Variants in DIAPH3 observed in about 807,000 individuals in gnomAD.
DIAPH3 encodes the protein protein diaphanous homolog 3.
DIAPH3 carries 117 observed loss-of-function variants against 144.3 expected under a neutral mutation model. That is an observed-to-expected ratio of 0.81 (90% CI 0.70 to 0.95). The LOEUF (loss-of-function observed/expected upper bound fraction) is 0.95. Among genes scored for constraint, DIAPH3 ranks in the 40% least tolerant of loss-of-function variants. The pLI is 0.00. For synonymous variants in DIAPH3, 519 were observed against 488.9 expected (o/e 1.06, Z -0.81); for missense variants, 1,421 against 1,412.7 (o/e 1.01, Z -0.09).
At chr13:60,064,667 T>C (rs1184356034) in intron 4 of DIAPH3, among the ~76,000 whole-genome samples, 2 of 152,190 alleles carry the variant, frequency 1.3e-5, no homozygotes, top group African/African-American at 4.8e-5. Context: ...ATGTCAACAA[T>C]AAGATTGTTT....
intron 9 of DIAPH3, among the ~76,000 whole-genome samples, chr13:60,002,069 C>T (rs866492308): frequency 2.6e-5 from 4 of 152,122 alleles, no homozygotes; most frequent in Admixed American, 6.5e-5. Flanking sequence ...ACTAACACAT[C>T]ATACTGTATC....
chr13:59,774,071 T>G, intron 27 of DIAPH3, 118 bp downstream of exon 27: 1 of 1,031,438 alleles, frequency 9.7e-7, no homozygotes, highest in South Asian at 1.5e-5. Flanking sequence ...CATGCACACA[T>G]TTTTACTATT....
At chr13:59,913,674 T>C (rs79407435) in intron 19 of DIAPH3, among the ~76,000 whole-genome samples, 3 of 152,140 alleles carry the variant, frequency 2.0e-5, no homozygotes, top group Non-Finnish European at 4.4e-5. Flanking sequence ...GAGCCTAATA[T>C]ACAGCCGGGC....
At chr13:59,713,863 A>G (rs1164219396) in intron 27 of DIAPH3, among the ~76,000 whole-genome samples, 1 of 152,250 alleles carries the variant, frequency 6.6e-6, no homozygotes, top group Admixed American at 6.5e-5. Context: ...TTCTGTAAGC[A>G]TGAGTTGCTG....
chr13:59,829,002 A>G (rs2041623248), intron 24 of DIAPH3, among the ~76,000 whole-genome samples: 1 of 151,954 alleles, frequency 6.6e-6, no homozygotes, highest in Non-Finnish European at 1.5e-5. Flanking sequence ...CTTGTTCTAC[A>G]TGGCTTGAGG....
intron 17 of DIAPH3, among the ~76,000 whole-genome samples, chr13:59,956,267 T>C (rs1280307316): frequency 6.6e-6 from 1 of 152,140 alleles, no homozygotes; most frequent in Non-Finnish European, 1.5e-5. Context: ...TAGCAGCCAC[T>C]CCCATCATAG....
At chr13:59,977,971 C>T (rs1196695061) in intron 14 of DIAPH3, among the ~76,000 whole-genome samples, 9 of 151,680 alleles carry the variant, frequency 5.9e-5, no homozygotes, top group Non-Finnish European at 1.3e-4. Context: ...CATACTGATT[C>T]CTCAAGGCTC....
At chr13:59,741,407 A>G (rs1313986375) in intron 27 of DIAPH3, among the ~76,000 whole-genome samples, 1 of 152,186 alleles carries the variant, frequency 6.6e-6, no homozygotes, top group African/African-American at 2.4e-5. Flanking sequence ...TTACAGATTT[A>G]CGTGTATCTC....
chr13:59,968,220 C>T (rs2050164146), intron 17 of DIAPH3, among the ~76,000 whole-genome samples: 1 of 152,128 alleles, frequency 6.6e-6, no homozygotes, highest in African/African-American at 2.4e-5. Flanking sequence ...TAAAGACATG[C>T]TAACAAGTTT....
At chr13:59,787,348 T>G (rs2039087903) in intron 25 of DIAPH3, among the ~76,000 whole-genome samples, 1 of 152,178 alleles carries the variant, frequency 6.6e-6, no homozygotes, top group Non-Finnish European at 1.5e-5. Context: ...GCAGAGAATA[T>G]GGAAAAGTAT....
At chr13:60,075,722 C>T (rs532884873) in intron 4 of DIAPH3, among the ~76,000 whole-genome samples, 1 of 152,272 alleles carries the variant, frequency 6.6e-6, no homozygotes, top group Non-Finnish European at 1.5e-5. Flanking sequence ...CTTGTACTTC[C>T]ATTCCACCAT....
At chr13:60,058,378 G>T (rs2056636028) in intron 4 of DIAPH3, among the ~76,000 whole-genome samples, 1 of 151,920 alleles carries the variant, frequency 6.6e-6, no homozygotes, top group African/African-American at 2.4e-5. Flanking sequence ...TTATTAAAAA[G>T]CCAAAAAATA....
intron 3 of DIAPH3, among the ~76,000 whole-genome samples, chr13:60,095,537 G>A (rs1461702891): frequency 6.6e-6 from 1 of 152,048 alleles, no homozygotes; most frequent in African/African-American, 2.4e-5. Context: ...TGGCGCTAGT[G>A]AGAGTGTCTT....
chr13:59,972,441 C>G (rs1355619592), intron 15 of DIAPH3, among the ~76,000 whole-genome samples: 1 of 152,138 alleles, frequency 6.6e-6, no homozygotes, highest in Admixed American at 6.5e-5. Context: ...TTCTAACTAC[C>G]TTTAACATTT....
Position 60,163,685 on chromosome 13 carries a change from G to A in DIAPH3, c.82C>T (p.Arg28Cys). 1 of 1,607,796 alleles carries A rather than the reference G, an allele frequency of 6.2e-7. No homozygotes were observed. Reference sequence around the variant, plus strand: ...GGCATCTTGCTTTCCCGGCAGCCGCGGAGAGAGGCTGAGGAAGGGTAGGGA... The same window carrying A: ...GGCATCTTGCTTTCCCGGCAGCCGCAGAGAGAGGCTGAGGAAGGGTAGGGA... Reference protein sequence around the residue: ...GTPYPSSASLRGCRESKMPRR... With the variant: ...GTPYPSSASLCGCRESKMPRR... The change falls in exon 1 of 28, where the codon CGC (arginine) becomes TGC (cysteine). Residue 28 changes from arginine (R) to cysteine (C), a missense_variant. Transcript: ENST00000400324.
At chr13:60,093,060 A>C (rs538480047) in intron 4 of DIAPH3, among the ~76,000 whole-genome samples, 92 of 152,306 alleles carry the variant, frequency 6.0e-4, no homozygotes, top group African/African-American at 1.9e-3. Flanking sequence ...CATGAAATAA[A>C]TGCAATTGAT....
At position 60,112,194 on chromosome 13, in the gene DIAPH3, G is replaced by A; in HGVS notation, c.214-8C>T. On this transcript the variant is annotated splice_region_variant and splice_polypyrimidine_tract_variant and intron_variant, in intron 2 of 27. Coordinates refer to ENST00000400324, the MANE Select transcript of DIAPH3 (RefSeq NM_001042517.2). ...GCTGGCAAATTTGTCCAGCTACAAA[G>A]AAAGACAGAATGACACACGTGTAAG... 6.2e-7 allele frequency: 1 copy of A among 1,613,680 alleles called. No individual in the cohort carries two copies. Among genetic ancestry groups the A allele is most frequent in the Non-Finnish European group, 8.5e-7 (1 of 1,179,936 alleles).
At chr13:59,981,003 T>A in intron 13 of DIAPH3, 144 bp from the exon 14 acceptor site, 2 of 667,046 alleles carry the variant, frequency 3.0e-6, no homozygotes, top group East Asian at 5.6e-5. Context: ...AATATTATAA[T>A]GTTGGAATGA....
At chr13:59,806,631 T>G (rs1247624116) in intron 25 of DIAPH3, among the ~76,000 whole-genome samples, 2 of 151,936 alleles carry the variant, frequency 1.3e-5, no homozygotes, top group African/African-American at 4.8e-5. Context: ...ATTTTATATA[T>G]TTGGTTATTT....
Sources: gnomAD v4.1 joint callset for allele counts (sites outside exome capture counted in the v4.1 genomes callset) on GRCh38, gnomAD v4.1.1 for gene constraint, MANE v1.5 for transcripts, NCBI Gene and HGNC (gene_info 2026-07-23, HGNC 2026-07-21) for gene names.